INPP4B: variants seen among roughly 807,000 people sequenced by gnomAD.
INPP4B encodes the protein inositol polyphosphate 4-phosphatase type II.
A neutral mutation model predicts 122.5 loss-of-function variants in INPP4B; 55 were observed. The observed-to-expected ratio is 0.45, with a 90% CI of 0.36 to 0.56. The LOEUF (loss-of-function observed/expected upper bound fraction) is 0.56, where lower values mean the gene tolerates loss of function less well. Among genes scored for constraint, INPP4B ranks in the 20% least tolerant of loss-of-function variants. The pLI, the probability that INPP4B is intolerant of heterozygous loss-of-function variation, is 0.00. For missense variants in INPP4B, 1,000 were observed against 1,097.7 expected, an observed-to-expected ratio of 0.91 and a Z score of 1.26; for synonymous variants, 403 against 388.7, an observed-to-expected ratio of 1.04 and a Z score of -0.43.
chr4:142,567,042 G>C (rs760858340), intron 2 of INPP4B, among the ~76,000 whole-genome samples: 44 of 152,058 alleles, frequency 2.9e-4, no homozygotes, highest in Non-Finnish European at 5.3e-4. Flanking sequence ...TTACACATCA[G>C]GTATCTGATC....
intron 1 of INPP4B, among the ~76,000 whole-genome samples, chr4:142,801,602 A>C (rs1469541539): frequency 6.6e-6 from 1 of 152,198 alleles, no homozygotes; most frequent in Non-Finnish European, 1.5e-5. Context: ...TGTTTAAGCC[A>C]CACAATCTGT....
intron 2 of INPP4B, among the ~76,000 whole-genome samples, chr4:142,667,237 C>A (rs775121000): frequency 4.6e-5 from 7 of 152,138 alleles, no homozygotes. Context: ...TGTATTTATC[C>A]AGCCTTCACA....
At chr4:142,233,327 G>A (rs555864560) in intron 12 of INPP4B, among the ~76,000 whole-genome samples, 16 of 152,126 alleles carry the variant, frequency 1.1e-4, no homozygotes, top group Middle Eastern at 3.4e-3. Context: ...CACCAAAAAA[G>A]TTACAATTTA....
intron 2 of INPP4B, among the ~76,000 whole-genome samples, chr4:142,466,938 C>T (rs1817899886): frequency 6.6e-6 from 1 of 152,198 alleles, no homozygotes; most frequent in Non-Finnish European, 1.5e-5. Flanking sequence ...GCCTTGGTTG[C>T]TTCTACATGG....
rs6836782 is a variant in INPP4B at position 142,089,400 on chromosome 4, T to G, written c.2375-3144A>C. On this transcript the variant is annotated intron_variant, in intron 23 of 25. Transcript: ENST00000262992. ...AATTAGCAATACTTTATTATGTATT[T>G]GAAATTTGCTAACAGAGTAGATTGT... is the stretch of plus-strand genomic sequence containing the variant. 5.0e-3 allele frequency among the ~76,000 whole-genome samples: 753 copies of G among 151,718 alleles called. 5 individuals are homozygous for G. Among genetic ancestry groups the G allele is most frequent in the African/African-American group, 0.017 (719 of 41,348 alleles).
At chr4:142,755,949 T>C (rs774606995) in intron 1 of INPP4B, among the ~76,000 whole-genome samples, 29 of 152,066 alleles carry the variant, frequency 1.9e-4, no homozygotes, top group East Asian at 3.9e-4. Flanking sequence ...TTAGGTCTTG[T>C]TCATTAAACC....
intron 2 of INPP4B, among the ~76,000 whole-genome samples, chr4:142,627,775 G>T (rs1746831440): frequency 6.6e-6 from 1 of 152,164 alleles, no homozygotes; most frequent in African/African-American, 2.4e-5. Flanking sequence ...CATAAAATGA[G>T]TTAGGAGGAT....
chr4:142,713,964 T>G (rs1284149732), intron 2 of INPP4B, among the ~76,000 whole-genome samples: 1 of 152,220 alleles, frequency 6.6e-6, no homozygotes, highest in Non-Finnish European at 1.5e-5. Context: ...CTAGATGCAA[T>G]GAGTATTACA....
At chr4:142,542,212 A>G (rs1454857107) in intron 2 of INPP4B, among the ~76,000 whole-genome samples, 1 of 152,176 alleles carries the variant, frequency 6.6e-6, no homozygotes, top group Non-Finnish European at 1.5e-5. Context: ...ATTATTGGAT[A>G]ATAGTGGTTG....
intron 7 of INPP4B, among the ~76,000 whole-genome samples, chr4:142,353,162 CTG>C (rs1782444731): frequency 6.6e-6 from 1 of 151,974 alleles, no homozygotes; most frequent in Non-Finnish European, 1.5e-5. Flanking sequence ...TGAGGCGCAG[CTG>C]TGAATAGTCT....
chr4:142,101,536 G>A (rs535041241), intron 23 of INPP4B, among the ~76,000 whole-genome samples: 2 of 152,226 alleles, frequency 1.3e-5, no homozygotes, highest in Non-Finnish European at 2.9e-5. Context: ...CAAGGTATCT[G>A]TTAACATGTG....
intron 2 of INPP4B, among the ~76,000 whole-genome samples, chr4:142,621,778 G>A (rs181832459): frequency 1.3e-5 from 2 of 150,840 alleles, no homozygotes; most frequent in African/African-American, 2.4e-5. Context: ...AAAATATTAT[G>A]TATAAAAATA....
At chr4:142,142,271 T>G (rs775009074) in intron 18 of INPP4B, among the ~76,000 whole-genome samples, 16 of 152,088 alleles carry the variant, frequency 1.1e-4, no homozygotes, top group Admixed American at 3.9e-4. Context: ...TGTTATACAA[T>G]GTCAAACTTC....
intron 2 of INPP4B, among the ~76,000 whole-genome samples, chr4:142,710,077 A>C (rs1762926339): frequency 6.6e-6 from 1 of 152,204 alleles, no homozygotes; most frequent in South Asian, 2.1e-4. Flanking sequence ...TAGGGATGAA[A>C]GCTCTCCAGC....
At chr4:142,411,798 A>G (rs1228344927) in intron 5 of INPP4B, among the ~76,000 whole-genome samples, 1 of 152,160 alleles carries the variant, frequency 6.6e-6, no homozygotes, top group Non-Finnish European at 1.5e-5. Context: ...AGGCTGAGGC[A>G]CGAGGATCAC....
At chr4:142,580,550 G>T (rs1018953148) in intron 2 of INPP4B, among the ~76,000 whole-genome samples, 1 of 151,988 alleles carries the variant, frequency 6.6e-6, no homozygotes, top group Non-Finnish European at 1.5e-5. Flanking sequence ...GAAAATCTAG[G>T]TGTTAGTTCT....
chr4:142,238,018 A>G lies in INPP4B; in HGVS notation c.689-7T>C. Reference sequence around the variant, plus strand: ...CATACTGGGTTCTTTAACACTGGAAAAAAAAAGAAAAAATAATAGTTAAAT... The same window carrying G: ...CATACTGGGTTCTTTAACACTGGAAGAAAAAAGAAAAAATAATAGTTAAAT... On this transcript the variant is annotated splice_region_variant and splice_polypyrimidine_tract_variant and intron_variant, in intron 11 of 25. Transcript: ENST00000262992. 1 of 1,390,492 alleles carries G rather than the reference A, an allele frequency of 7.2e-7. No individual in the cohort carries two copies. The allele number at this position is 1,390,492 out of a possible 1,614,324, so 86.1% of individuals were successfully genotyped here. A position where few individuals can be genotyped will look rare whatever the true frequency, so the allele number is the denominator to read the frequency against.
At chr4:142,839,420 C>G (rs1297094810) in intron 1 of INPP4B, among the ~76,000 whole-genome samples, 2 of 151,984 alleles carry the variant, frequency 1.3e-5, no homozygotes, top group African/African-American at 2.4e-5. Context: ...AGCGACAGAG[C>G]AAGACTCCAT....
intron 2 of INPP4B, among the ~76,000 whole-genome samples, chr4:142,652,691 C>T (rs1223218162): frequency 1.3e-5 from 2 of 152,034 alleles, no homozygotes; most frequent in Non-Finnish European, 2.9e-5. Context: ...AACTGCAAAC[C>T]ACTGCTCAAC....
Sources: allele counts gnomAD v4.1 joint callset (sites outside exome capture counted in the v4.1 genomes callset), GRCh38; gene constraint gnomAD v4.1.1; transcripts MANE v1.5; gene names NCBI Gene and HGNC (gene_info 2026-07-23, HGNC 2026-07-21).